The following BRD10 variants were observed in gnomAD, a reference collection of about 807,000 sequenced individuals.
The protein encoded by BRD10 is uncharacterized bromodomain-containing protein 10.
the BRD10 span, among the ~76,000 whole-genome samples, chr9:6,000,793 T>C: frequency 1.8e-4 from 28 of 152,250 alleles, no homozygotes; most frequent in Admixed American, 1.8e-3. Context: ...ACATTATACA[T>C]ATTTTAATCA....
the BRD10 span, among the ~76,000 whole-genome samples, chr9:5,899,748 A>G: frequency 6.6e-6 from 1 of 152,178 alleles, no homozygotes; most frequent in African/African-American, 2.4e-5. Context: ...GCTTTCCCCT[A>G]TGTATGAACC....
the BRD10 span, among the ~76,000 whole-genome samples, chr9:5,941,518 C>T: frequency 1.3e-5 from 2 of 152,194 alleles, no homozygotes; most frequent in Non-Finnish European, 2.9e-5. Context: ...AGGATCTAAA[C>T]GATGATGAGG....
chr9:5,908,692 C>A, the BRD10 span: 1 of 1,614,008 alleles, frequency 6.2e-7, no homozygotes, highest in Non-Finnish European at 8.5e-7. Flanking sequence ...CAGTCACCAC[C>A]ACCTTATTCA....
At chr9:5,934,132 A>G in the BRD10 span, among the ~76,000 whole-genome samples, 3 of 150,328 alleles carry the variant, frequency 2.0e-5, no homozygotes, top group Non-Finnish European at 4.4e-5. Context: ...GCTTTTTAAA[A>G]TGGAGATGGT....
the BRD10 span, among the ~76,000 whole-genome samples, chr9:5,959,425 T>C: frequency 2.0e-5 from 3 of 152,310 alleles, no homozygotes; most frequent in South Asian, 2.1e-4. Context: ...ATAATAGTAA[T>C]ATTTATTTTT....
At chr9:5,961,227 A>G in the BRD10 span, among the ~76,000 whole-genome samples, 12 of 152,220 alleles carry the variant, frequency 7.9e-5, no homozygotes, top group African/African-American at 2.4e-4. Context: ...CGCAACTATA[A>G]TAAGTATTAC....
At chr9:5,906,860 T>C in the BRD10 span, 1 of 1,437,196 alleles carries the variant, frequency 7.0e-7, no homozygotes, top group African/African-American at 1.5e-5. Context: ...TCTCACCCAC[T>C]CACCTTTATC....
chr9:5,886,038 C>T, the BRD10 span, among the ~76,000 whole-genome samples: 8 of 152,230 alleles, frequency 5.3e-5, no homozygotes, highest in African/African-American at 1.7e-4. Flanking sequence ...ACAGTGGACG[C>T]ATGGCTAGCG....
the BRD10 span, among the ~76,000 whole-genome samples, chr9:5,961,087 G>C: frequency 6.6e-6 from 1 of 152,166 alleles, no homozygotes; most frequent in Non-Finnish European, 1.5e-5. Context: ...TATTTGTTCA[G>C]TATATTCCCA....
chr9:5,982,113 G>C, the BRD10 span, among the ~76,000 whole-genome samples: 2 of 152,012 alleles, frequency 1.3e-5, no homozygotes, highest in Admixed American at 6.6e-5. Flanking sequence ...ACATGCAAAA[G>C]AATGTTATAT....
the BRD10 span, chr9:5,920,035 G>GT: frequency 6.2e-7 from 1 of 1,613,968 alleles, no homozygotes; most frequent in Non-Finnish European, 8.5e-7. Context: ...TAGCAGTTGT[G>GT]TTTATGAGTT....
chr9:5,879,059 G>A, the BRD10 span, among the ~76,000 whole-genome samples: 1 of 152,180 alleles, frequency 6.6e-6, no homozygotes, highest in Non-Finnish European at 1.5e-5. Flanking sequence ...GACTTCCAGG[G>A]TTGTTCTGAC....
the BRD10 span, chr9:5,899,120 C>T: frequency 1.3e-5 from 2 of 152,126 alleles, no homozygotes; most frequent in African/African-American, 2.4e-5. Flanking sequence ...CCATAGATCT[C>T]GCTGTCTCTC....
the BRD10 span, among the ~76,000 whole-genome samples, chr9:5,926,119 T>C: frequency 2.0e-5 from 3 of 152,108 alleles, no homozygotes; most frequent in South Asian, 2.1e-4. Context: ...GGTTTCACCA[T>C]GTTGGCCAAG....
chr9:5,991,232 A>C, the BRD10 span, among the ~76,000 whole-genome samples: 1 of 152,042 alleles, frequency 6.6e-6, no homozygotes, highest in Non-Finnish European at 1.5e-5. Flanking sequence ...ACTAGATGCC[A>C]TATGTGTATT....
the BRD10 span, among the ~76,000 whole-genome samples, chr9:5,925,429 C>T: frequency 6.6e-6 from 1 of 150,638 alleles, no homozygotes; most frequent in Non-Finnish European, 1.5e-5. Flanking sequence ...AAGATTTGAA[C>T]ATACCATCTG....
At chr9:5,984,702 T>A in the BRD10 span, among the ~76,000 whole-genome samples, 1 of 152,072 alleles carries the variant, frequency 6.6e-6, no homozygotes, top group Non-Finnish European at 1.5e-5. Flanking sequence ...AATAAATAAT[T>A]GTAAATTAAA....
chr9:5,924,903 A>G, the BRD10 span: 4 of 1,238,984 alleles, frequency 3.2e-6, no homozygotes, highest in Non-Finnish European at 4.3e-6. Context: ...CTTGGAATCT[A>G]AACTAACTTT....
At chr9:5,908,762 T>A in the BRD10 span, 1 of 1,502,750 alleles carries the variant, frequency 6.7e-7, no homozygotes, top group East Asian at 2.3e-5. Flanking sequence ...CACTTTTGCT[T>A]GAATTTAATA....
Sources: allele counts gnomAD v4.1 joint callset (sites outside exome capture counted in the v4.1 genomes callset), GRCh38; gene constraint gnomAD v4.1.1; transcripts MANE v1.5; gene names NCBI Gene and HGNC (gene_info 2026-07-23, HGNC 2026-07-21).